Variants in ATP13A4 observed in about 807,000 individuals in gnomAD.
The protein encoded by ATP13A4 is probable cation-transporting ATPase 13A4.
In ATP13A4, 114 loss-of-function variants were observed where a neutral mutation model predicts 142.5. That is an observed-to-expected ratio of 0.80 (90% CI 0.69 to 0.93). The LOEUF (loss-of-function observed/expected upper bound fraction) is 0.93, where lower values mean the gene tolerates loss of function less well. Ranked by LOEUF, ATP13A4 falls within the 40% of genes least tolerant of loss-of-function variation. The pLI is 0.00. For missense variants in ATP13A4, 1,392 were observed against 1,454.0 expected, an observed-to-expected ratio of 0.96 and a Z score of 0.69; for synonymous variants, 488 against 514.8, an observed-to-expected ratio of 0.95 and a Z score of 0.70.
chr3:193,554,002 A>G (rs1487111224), intron 1 of ATP13A4, among the ~76,000 whole-genome samples: 1 of 152,248 alleles, frequency 6.6e-6, no homozygotes, highest in Non-Finnish European at 1.5e-5. Context: ...AGATCTTATT[A>G]AACAGAAGTA....
chr3:193,500,281 T>C (rs1362596569), intron 3 of ATP13A4, among the ~76,000 whole-genome samples: 1 of 152,116 alleles, frequency 6.6e-6, no homozygotes, highest in African/African-American at 2.4e-5. Context: ...TAGAACATGT[T>C]ATAAGAGCAT....
At chr3:193,434,986 A>T (rs1405762007) in intron 24 of ATP13A4, among the ~76,000 whole-genome samples, 3 of 152,250 alleles carry the variant, frequency 2.0e-5, no homozygotes, top group Admixed American at 1.3e-4. Flanking sequence ...CTTAAATTAT[A>T]CAAGTGTACC....
chr3:193,550,853 T>C (rs1007754550), intron 1 of ATP13A4, among the ~76,000 whole-genome samples: 1 of 152,176 alleles, frequency 6.6e-6, no homozygotes, highest in African/African-American at 2.4e-5. Flanking sequence ...TGTGTTAAGG[T>C]GTAACTAAAG....
chr3:193,440,909 C>T (rs1000424569), intron 20 of ATP13A4, among the ~76,000 whole-genome samples: 16 of 152,086 alleles, frequency 1.1e-4, no homozygotes, highest in Non-Finnish European at 1.2e-4. Flanking sequence ...TCAGCTGTCA[C>T]GGGGAATGTG....
At chr3:193,457,584 T>A in intron 14 of ATP13A4, 119 bp from the exon 15 acceptor site, 1 of 930,512 alleles carries the variant, frequency 1.1e-6, no homozygotes, top group Non-Finnish European at 1.7e-6. Context: ...TTTCCGTGTC[T>A]CTTCCCTCAG....
chr3:193,475,335 G>A (rs1269959987), intron 8 of ATP13A4, among the ~76,000 whole-genome samples: 1 of 151,928 alleles, frequency 6.6e-6, no homozygotes, highest in Non-Finnish European at 1.5e-5. Context: ...AAGAATATCT[G>A]TATATACTAA....
At chr3:193,526,426 C>G (rs939727396) in intron 1 of ATP13A4, among the ~76,000 whole-genome samples, 1 of 152,168 alleles carries the variant, frequency 6.6e-6, no homozygotes, top group East Asian at 1.9e-4. Context: ...GGGAGGGGAA[C>G]AACACAACAC....
At chr3:193,551,512 C>G (rs1275219508) in intron 1 of ATP13A4, among the ~76,000 whole-genome samples, 1 of 152,192 alleles carries the variant, frequency 6.6e-6, no homozygotes, top group Non-Finnish European at 1.5e-5. Flanking sequence ...TGGTTAATTG[C>G]TAAGCCCTTG....
At chr3:193,547,186 C>A (rs1268798805) in intron 1 of ATP13A4, among the ~76,000 whole-genome samples, 2 of 152,224 alleles carry the variant, frequency 1.3e-5, no homozygotes, top group Non-Finnish European at 2.9e-5. Flanking sequence ...TCCTGTCTGA[C>A]AAGACTATAT....
At chr3:193,552,765 T>C (rs1334095442) in intron 1 of ATP13A4, among the ~76,000 whole-genome samples, 1 of 152,202 alleles carries the variant, frequency 6.6e-6, no homozygotes, top group African/African-American at 2.4e-5. Context: ...CCTCAGCTCC[T>C]GGACTTACTG....
Position 193,449,844 on chromosome 3 carries a change from A to G in ATP13A4, c.2028-1514T>C, listed in dbSNP as rs138910878. ...GATAGAAATCATTGCTCCCAGACAG[A>G]CGTGGTGGCTCATGCCTGTAATCCC... is the stretch of plus-strand genomic sequence containing the variant. On this transcript the variant is annotated intron_variant, in intron 17 of 29. Transcript: ENST00000342695. 9.3e-3 allele frequency among the ~76,000 whole-genome samples: 1,408 copies of G among 152,202 alleles called. 23 individuals carry two copies. Among genetic ancestry groups the G allele is most frequent in the African/African-American group, 0.033 (1,357 of 41,518 alleles).
intron 3 of ATP13A4, among the ~76,000 whole-genome samples, chr3:193,495,567 T>C (rs532816293): frequency 6.6e-6 from 1 of 152,098 alleles, no homozygotes; most frequent in South Asian, 2.1e-4. Context: ...ACAAAATAGA[T>C]ATAGAAGGAA....
intron 1 of ATP13A4, among the ~76,000 whole-genome samples, chr3:193,542,425 T>C (rs1286874365): frequency 6.6e-6 from 1 of 152,034 alleles, no homozygotes; most frequent in South Asian, 2.1e-4. Context: ...TCAATGCTAT[T>C]CCCATTAAAC....
intron 29 of ATP13A4, chr3:193,404,253 G>A: frequency 1.8e-6 from 1 of 548,280 alleles, no homozygotes; most frequent in Non-Finnish European, 2.3e-6. Context: ...CAAAATAGAT[G>A]AAACCACACA....
chr3:193,502,736 G>T, intron 2 of ATP13A4, 97 bp from the exon 3 acceptor site: 1 of 1,297,430 alleles, frequency 7.7e-7, no homozygotes, highest in Non-Finnish European at 1.1e-6. Context: ...TTCTGTAAGT[G>T]TTTGGCGTTA....
intron 25 of ATP13A4, among the ~76,000 whole-genome samples, chr3:193,426,489 T>C (rs1218999920): frequency 6.6e-6 from 1 of 151,882 alleles, no homozygotes; most frequent in Non-Finnish European, 1.5e-5. Flanking sequence ...TAAATAGCTA[T>C]TTTTAGAGAA....
intron 14 of ATP13A4, 26 bp downstream of exon 14, chr3:193,459,055 A>G (rs761396251): frequency 3.7e-6 from 6 of 1,613,872 alleles, no homozygotes; most frequent in Non-Finnish European, 5.1e-6. Flanking sequence ...GAAGCTTCTC[A>G]GATTCTCTGA....
At chr3:193,454,342 T>C (rs1461120814) in intron 16 of ATP13A4, 130 bp from the exon 17 acceptor site, 1 of 722,630 alleles carries the variant, frequency 1.4e-6, no homozygotes, top group Admixed American at 2.0e-5. Flanking sequence ...AACAAGTCAG[T>C]TGAAAATTCT....
At chr3:193,561,028 G>T (rs1047296537) in intron 2 of ATP13A4, among the ~76,000 whole-genome samples, 1 of 152,188 alleles carries the variant, frequency 6.6e-6, no homozygotes, top group Non-Finnish European at 1.5e-5. Context: ...TTCCAATTCC[G>T]AGTGGGAGCC....
Sources: allele counts gnomAD v4.1 joint callset (sites outside exome capture counted in the v4.1 genomes callset), GRCh38; gene constraint gnomAD v4.1.1; transcripts MANE v1.5; gene names NCBI Gene and HGNC (gene_info 2026-07-23, HGNC 2026-07-21).